Variants in DELE1 observed in about 807,000 individuals in gnomAD.
DELE1 encodes the protein death ligand signal enhancer.
In DELE1, 54 loss-of-function variants were observed where a neutral mutation model predicts 59.3. That is an observed-to-expected ratio of 0.91 (90% CI 0.73 to 1.14). The LOEUF is 1.14. Ranked by LOEUF, DELE1 falls within the 50% of genes most tolerant of loss-of-function variation. The probability of loss-of-function intolerance (pLI) is 0.00; values close to 1 mark genes in which losing one functional copy is unlikely to be tolerated. For synonymous variants in DELE1, 264 were observed against 259.1 expected, an observed-to-expected ratio of 1.02 and a Z score of -0.18; for missense variants, 636 against 643.9, an observed-to-expected ratio of 0.99 and a Z score of 0.13.
At chr5:141,924,718 C>A in intron 2 of DELE1, 23 bp downstream of exon 2, 1 of 1,374,788 alleles carries the variant, frequency 7.3e-7, no homozygotes, top group Non-Finnish European at 1.0e-6. Context: ...CATTTTACCA[C>A]TCATTTCCTC....
Position 141,939,296 on chromosome 5 carries a change from T to A in DELE1, c.*537T>A. The A allele has an allele frequency of 1.5e-6, 1 of 658,116 alleles. No homozygotes were observed. Among genetic ancestry groups the A allele is most frequent in the African/African-American group, 2.0e-5 (1 of 50,250 alleles). 40.8% of individuals were successfully genotyped at this position (658,116 alleles called of 1,614,324 possible). ...GTTCTGTCTAGGATAAAGCTAACTG[T>A]AAAAAAAAATAGTGAATCAGTTTAA... On this transcript the variant is annotated 3_prime_UTR_variant, in exon 12 of 12. Transcript: ENST00000432126.
rs10036567 is a variant in DELE1 at position 141,928,268 on chromosome 5, T to C, written c.382T>C (p.Phe128Leu). The C allele has an allele frequency of 0.099, 160,326 of 1,614,002 alleles. 10,769 individuals carry two copies. The highest frequency in any genetic ancestry group is 0.33 in the African/African-American group (25,006 of 75,008). ...CSWHSPLDRF[F>L]SSPLWHPCSS... is the part of the protein sequence containing the mutation. ...CTGGCACAGTCCCCTGGACCGTTTC[T>C]TCTCATCTCCCTTGTGGCACCCATG... Residue 128 changes from phenylalanine to leucine, a missense_variant, in exon 4 of 12, where the codon TTC becomes CTC. Coordinates refer to ENST00000432126, the MANE Select transcript of DELE1 (RefSeq NM_014773.5).
Position 141,939,671 on chromosome 5 carries a change from C to T in DELE1, c.*912C>T, listed in dbSNP as rs555256399. The T allele has an allele frequency of 5.5e-5, 54 of 985,748 alleles. No individual in the cohort carries two copies. Among genetic ancestry groups the T allele is most frequent in the Admixed American group, 6.1e-5 (1 of 16,268 alleles). 61.1% of individuals were successfully genotyped at this position (985,748 alleles called of 1,614,324 possible). A position where few individuals can be genotyped will look rare whatever the true frequency, so the allele number is the denominator to read the frequency against. On this transcript the variant is annotated 3_prime_UTR_variant, in exon 12 of 12. Transcript: ENST00000432126. ...CCTTCCCCCAAATCTTAAGCACCTG[C>T]GCCAGTACAGTCAAGAAGAGGAAAG... is the stretch of plus-strand genomic sequence containing the variant.
rs77944290 is a variant in DELE1 at position 141,930,335 on chromosome 5, G to A, written c.754+61G>A. On this transcript the variant is annotated intron_variant, in intron 7 of 11. Coordinates refer to ENST00000432126, the MANE Select transcript of DELE1 (RefSeq NM_014773.5). ...GGGAAAATGGAAAGGGTATGGGGTA[G>A]CTCAGATATAGTCAAGATAGGGAGT... is the stretch of plus-strand genomic sequence containing the variant. The A allele has an allele frequency of 2.8e-3, 3,360 of 1,220,498 alleles. 54 individuals carry two copies. In the East Asian group the frequency reaches 0.034, roughly 12 times the overall value. 75.6% of individuals were successfully genotyped at this position (1,220,498 alleles called of 1,614,324 possible). A position where few individuals can be genotyped will look rare whatever the true frequency, so the allele number is the denominator to read the frequency against.
In DELE1 at chr5:141,938,517, G is replaced by A. The variant is rs1408555319; in HGVS notation, c.1310-4G>A. The A allele has an allele frequency of 6.2e-7, 1 of 1,613,122 alleles. No homozygotes were observed. Among genetic ancestry groups the A allele is most frequent in the Admixed American group, 1.7e-5 (1 of 59,964 alleles). On this transcript the variant is annotated splice_polypyrimidine_tract_variant and splice_region_variant and intron_variant, in intron 11 of 11. Transcript: ENST00000432126. ...GTAAGAGTTGCTCTCACCTCTTCTT[G>A]TAGCCCCGGGGCCCAGCGACCTGAC...
Position 141,937,282 on chromosome 5 carries a change from T to TA in DELE1, c.1235dup (p.Tyr412Ter), listed in dbSNP as rs1210568376. The TA allele has an allele frequency of 2.5e-6, 4 of 1,614,212 alleles. No homozygotes were observed. In the South Asian group the frequency reaches 3.3e-5, roughly 13 times the overall value. Residue 412 changes from tyrosine to a stop codon, truncating the protein, a stop_gained and frameshift_variant, in exon 11 of 12, where the codon TAC (tyrosine) becomes TAAC (stop). Coordinates refer to ENST00000432126, the MANE Select transcript of DELE1 (RefSeq NM_014773.5). LOFTEE classifies it high-confidence loss of function. ...QRNLGEALRC[Y>*]QQSAALGNEA... ...GAATCTGGGAGAGGCCTTGAGATGTTACCAGCAGTCAGCCGCTCTGGGAAA... is the reference window on the plus strand; with the variant it reads ...GAATCTGGGAGAGGCCTTGAGATGTTAACCAGCAGTCAGCCGCTCTGGGAAA...
At chr5:141,936,805 A>C in intron 10 of DELE1, 1 of 866,380 alleles carries the variant, frequency 1.2e-6, no homozygotes, top group South Asian at 5.3e-5. Context: ...AGGAAGGCAC[A>C]GGGCCTTTGG....
At position 141,934,193 on chromosome 5, in the gene DELE1, T is replaced by A. The variant is rs374123961; in HGVS notation, c.898-47T>A. On this transcript the variant is annotated intron_variant, in intron 8 of 11. Coordinates refer to ENST00000432126, the MANE Select transcript of DELE1 (RefSeq NM_014773.5). Reference sequence around the variant, plus strand: ...TAAAAATTTCACTGAGTGCAAAAGATGCTTACAGAGTTGCCAGCCGACTGG... The same window carrying A: ...TAAAAATTTCACTGAGTGCAAAAGAAGCTTACAGAGTTGCCAGCCGACTGG... 6.6e-5 allele frequency: 101 copies of A among 1,540,714 alleles called. 1 individual carries two copies. In the South Asian group the frequency reaches 1.2e-3, roughly 18 times the overall value.
At position 141,934,353 on chromosome 5, in the gene DELE1, G is replaced by A; in HGVS notation, c.1011G>A (p.Arg337=). Reference sequence around the variant, plus strand: ...CTTCGTGGAACCCTGAGCGGCAGAGGGCAGTGTCCTTGCTGAAGCAGGCTG... The same window carrying A: ...CTTCGTGGAACCCTGAGCGGCAGAGAGCAGTGTCCTTGCTGAAGCAGGCTG... The part of the protein sequence containing the change: ...PASSWNPERQ[R]AVSLLKQAAD... Residue 337 remains arginine (R), a synonymous_variant, in exon 9 of 12, where the codon AGG becomes AGA. Coordinates refer to ENST00000432126, the MANE Select transcript of DELE1 (RefSeq NM_014773.5). The A allele has an allele frequency of 1.2e-6, 2 of 1,614,218 alleles. No homozygotes were observed. Among genetic ancestry groups the A allele is most frequent in the Non-Finnish European group, 8.5e-7 (1 of 1,180,050 alleles).
chr5:141,938,832 G>A lies in DELE1; in HGVS notation c.*73G>A. ...CAGGAGGTTGGATAACAAAAATAGA[G>A]CATCAGCAACCCTTTCCAGGTAGAA... On this transcript the variant is annotated 3_prime_UTR_variant, in exon 12 of 12. Transcript: ENST00000432126. 2.6e-6 allele frequency: 4 copies of A among 1,514,350 alleles called. No homozygotes were observed. Among genetic ancestry groups the A allele is most frequent in the Non-Finnish European group, 3.5e-6 (4 of 1,136,768 alleles). The allele number at this position is 1,514,350 out of a possible 1,614,324, so 93.8% of individuals were successfully genotyped here.
At chr5:141,935,980 T>A (rs933565725) in intron 10 of DELE1, among the ~76,000 whole-genome samples, 1 of 152,186 alleles carries the variant, frequency 6.6e-6, no homozygotes, top group Non-Finnish European at 1.5e-5. Flanking sequence ...TTGGAGAGAC[T>A]TTTGGCCTGT....
At chr5:141,925,865 AT>A (rs1282035405) in intron 3 of DELE1, among the ~76,000 whole-genome samples, 1 of 151,554 alleles carries the variant, frequency 6.6e-6, no homozygotes, top group Non-Finnish European at 1.5e-5. Context: ...TTTATTATTC[AT>A]TTTTTTTATT....
rs1752707364 is a variant in DELE1, at chr5:141,941,035, C to T, written c.*2276C>T. The T allele has an allele frequency of 1.0e-6, 1 of 985,326 alleles. No homozygotes were observed. Among genetic ancestry groups the T allele is most frequent in the Admixed American group, 6.1e-5 (1 of 16,262 alleles). The allele number at this position is 985,326 out of a possible 1,614,324, so 61.0% of individuals were successfully genotyped here. A position where few individuals can be genotyped will look rare whatever the true frequency, so the allele number is the denominator to read the frequency against. On this transcript the variant is annotated 3_prime_UTR_variant, in exon 12 of 12. Coordinates refer to ENST00000432126, the MANE Select transcript of DELE1 (RefSeq NM_014773.5). ...TCTCTCACTGAATTGAGCCCAGAGCCCGTTTCCCTACAGATTGCTTTTGAG... is the reference window on the plus strand; with the variant it reads ...TCTCTCACTGAATTGAGCCCAGAGCTCGTTTCCCTACAGATTGCTTTTGAG...
intron 7 of DELE1, among the ~76,000 whole-genome samples, chr5:141,932,747 A>G (rs1399685206): frequency 2.0e-5 from 3 of 152,208 alleles, no homozygotes; most frequent in Non-Finnish European, 4.4e-5. Flanking sequence ...GGTTTATAGT[A>G]GGGCAGAACC....
intron 11 of DELE1, 96 bp from the exon 12 acceptor site, chr5:141,938,425 G>C (rs1241796098): frequency 1.0e-5 from 16 of 1,528,304 alleles, no homozygotes; most frequent in Non-Finnish European, 1.2e-5. Context: ...AGTTAACAAT[G>C]CCTGGGGAAC....
In DELE1 at chr5:141,924,093, C is replaced by T. The variant is rs1751163206; in HGVS notation, c.31+121C>T. The T allele has an allele frequency of 2.3e-6, 3 of 1,316,640 alleles. No homozygotes were observed. The African/African-American group carries it at 4.4e-5, about 19-fold the overall frequency. The allele number at this position is 1,316,640 out of a possible 1,614,324, so 81.6% of individuals were successfully genotyped here. On this transcript the variant is annotated intron_variant, in intron 1 of 11. Transcript: ENST00000432126. ...CGGGTTAGAGCCAAGGAAGGCGGGG[C>T]TTGAAAGAGGGCGGGGAAGTCAGGG... is the stretch of plus-strand genomic sequence containing the variant.
intron 8 of DELE1, chr5:141,933,786 A>G (rs73792057): frequency 0.075 from 11,849 of 158,214 alleles, 1,532 homozygotes; most frequent in African/African-American, 0.27. Context: ...CTGGTTAATT[A>G]CATCTATTTG....
intron 9 of DELE1, 41 bp downstream of exon 9, chr5:141,934,439 C>T: frequency 1.2e-6 from 2 of 1,614,150 alleles, no homozygotes; most frequent in Middle Eastern, 1.7e-4. Flanking sequence ...TCTCTGAGGC[C>T]TGTGGAGCCT....
At chr5:141,925,817 T>C (rs982755056) in intron 3 of DELE1, among the ~76,000 whole-genome samples, 1 of 152,114 alleles carries the variant, frequency 6.6e-6, no homozygotes, top group Admixed American at 6.5e-5. Flanking sequence ...CTTGCCTTCA[T>C]GGATCTTACA....
Sources: gnomAD v4.1 joint callset for allele counts (sites outside exome capture counted in the v4.1 genomes callset) on GRCh38, gnomAD v4.1.1 for gene constraint, MANE v1.5 for transcripts, NCBI Gene and HGNC (gene_info 2026-07-23, HGNC 2026-07-21) for gene names.